The following TTC23 variants were observed in gnomAD, a reference collection of about 807,000 sequenced individuals.
TTC23 encodes the protein tetratricopeptide repeat protein 23.
In TTC23, 58 loss-of-function variants were observed where a neutral mutation model predicts 55.1. The observed-to-expected ratio is 1.05, with a 90% confidence interval of 0.85 to 1.31. The LOEUF is 1.31. Among genes scored for constraint, TTC23 ranks in the 50% most tolerant of loss-of-function variants. The pLI, the probability that TTC23 is intolerant of heterozygous loss-of-function variation, is 0.00. For missense variants in TTC23, 516 were observed against 534.4 expected (o/e 0.97, Z 0.34); for synonymous variants, 203 against 199.9 (o/e 1.02, Z -0.13).
intron 12 of TTC23, among the ~76,000 whole-genome samples, chr15:99,147,319 A>C (rs1350619928): frequency 7.0e-6 from 1 of 143,038 alleles, no homozygotes; most frequent in Non-Finnish European, 1.5e-5. Flanking sequence ...TCCGCCTCCC[A>C]GGTTCACGCC....
chr15:99,205,214 T>C (rs1032293304), intron 8 of TTC23, among the ~76,000 whole-genome samples: 2 of 152,330 alleles, frequency 1.3e-5, no homozygotes, highest in South Asian at 2.1e-4. Context: ...TGTAGTATAG[T>C]ATGAAGTCAG....
chr15:99,190,565 A>G (rs1192412679), intron 9 of TTC23, among the ~76,000 whole-genome samples: 1 of 152,202 alleles, frequency 6.6e-6, no homozygotes, highest in African/African-American at 2.4e-5. Context: ...CTGTATATAT[A>G]TGTGTGTATG....
chr15:99,216,376 A>G (rs1049700858), intron 8 of TTC23, among the ~76,000 whole-genome samples: 1 of 152,220 alleles, frequency 6.6e-6, no homozygotes, highest in African/African-American at 2.4e-5. Flanking sequence ...AGCATAAATC[A>G]TAAGGTGAAA....
chr15:99,214,916 C>T (rs1017626904), intron 8 of TTC23, among the ~76,000 whole-genome samples: 3 of 123,524 alleles, frequency 2.4e-5, no homozygotes, highest in Non-Finnish European at 3.2e-5. Context: ...AGTGCAATGG[C>T]GCGATCTTGG....
chr15:99,230,953 T>G (rs1372021685), intron 4 of TTC23, among the ~76,000 whole-genome samples: 1 of 152,206 alleles, frequency 6.6e-6, no homozygotes, highest in Non-Finnish European at 1.5e-5. Context: ...GCTGCTTCCA[T>G]ATTACAATCA....
intron 10 of TTC23, among the ~76,000 whole-genome samples, chr15:99,163,593 G>A (rs1307933690): frequency 6.6e-6 from 1 of 152,214 alleles, no homozygotes; most frequent in African/African-American, 2.4e-5. Context: ...AATACAGCCA[G>A]TGCTATAGTC....
chr15:99,171,429 GGTT>G (rs2072908480), intron 10 of TTC23, among the ~76,000 whole-genome samples: 1 of 152,018 alleles, frequency 6.6e-6, no homozygotes, highest in African/African-American at 2.4e-5. Flanking sequence ...TGCCTCCGAG[GGTT>G]GTTAAAAGGA....
chr15:99,150,055 A>G (rs1223520963), intron 12 of TTC23, among the ~76,000 whole-genome samples: 1 of 152,212 alleles, frequency 6.6e-6, no homozygotes, highest in African/African-American at 2.4e-5. Context: ...GAAGGAAAGC[A>G]GGTATTCCCA....
At chr15:99,190,630 A>G (rs1435068872) in intron 9 of TTC23, among the ~76,000 whole-genome samples, 4 of 152,176 alleles carry the variant, frequency 2.6e-5, no homozygotes, top group Non-Finnish European at 1.5e-5. Context: ...ATACGTTACA[A>G]TGGTGGTGAA....
intron 1 of TTC23, among the ~76,000 whole-genome samples, chr15:99,246,171 A>T (rs901626799): frequency 1.7e-4 from 25 of 150,802 alleles, no homozygotes; most frequent in Non-Finnish European, 1.6e-4. Flanking sequence ...AAAAAAAAAG[A>T]TAAATTAGAT....
intron 9 of TTC23, among the ~76,000 whole-genome samples, chr15:99,190,257 G>GTTT (rs71149449): frequency 7.1e-6 from 1 of 140,344 alleles, no homozygotes; most frequent in Non-Finnish European, 1.5e-5. Context: ...AAATATCCTT[G>GTTT]TTTTTTTTTT....
At chr15:99,143,046 A>G (rs7178187) in intron 12 of TTC23, among the ~76,000 whole-genome samples, 71,937 of 152,010 alleles carry the variant, frequency 0.47, 17,627 homozygotes, top group East Asian at 0.65. Context: ...TGAAGTGAAA[A>G]GAGATGCAAA....
intron 9 of TTC23, among the ~76,000 whole-genome samples, chr15:99,190,776 A>G (rs979809872): frequency 6.6e-6 from 1 of 151,856 alleles, no homozygotes; most frequent in Non-Finnish European, 1.5e-5. Context: ...TTAGACATTT[A>G]TATGTCTTTT....
At chr15:99,172,892 T>C (rs1463148622) in intron 10 of TTC23, among the ~76,000 whole-genome samples, 1 of 152,212 alleles carries the variant, frequency 6.6e-6, no homozygotes, top group Non-Finnish European at 1.5e-5. Flanking sequence ...TTTAAAAATA[T>C]ATAACTAAAA....
intron 8 of TTC23, among the ~76,000 whole-genome samples, chr15:99,211,414 C>A (rs1350722705): frequency 3.3e-5 from 5 of 151,734 alleles, no homozygotes; most frequent in Non-Finnish European, 7.4e-5. Context: ...TAAGTATATA[C>A]AATTGTCTGA....
chr15:99,165,205 G>C (rs1400178962), intron 10 of TTC23, among the ~76,000 whole-genome samples: 1 of 152,146 alleles, frequency 6.6e-6, no homozygotes, highest in Non-Finnish European at 1.5e-5. Context: ...ACATTGAGAG[G>C]ACAGAAATGG....
intron 9 of TTC23, among the ~76,000 whole-genome samples, chr15:99,199,458 TTG>T (rs149241257): frequency 4.2e-4 from 61 of 145,756 alleles, no homozygotes; most frequent in Admixed American, 5.5e-4. Flanking sequence ...GTGTGTGTGT[TTG>T]TGTGTGTGTG....
At chr15:99,180,829 T>C (rs539730811) in intron 9 of TTC23, among the ~76,000 whole-genome samples, 1 of 152,320 alleles carries the variant, frequency 6.6e-6, no homozygotes, top group African/African-American at 2.4e-5. Context: ...TTTGTGGACT[T>C]AGCCTGAATG....
chr15:99,240,395 AT>A (rs919385705), intron 3 of TTC23, among the ~76,000 whole-genome samples: 6 of 151,922 alleles, frequency 3.9e-5, no homozygotes, highest in East Asian at 1.9e-4. Flanking sequence ...GTATATATAT[AT>A]TTTTTTTCGC....
Sources: allele counts gnomAD v4.1 joint callset (sites outside exome capture counted in the v4.1 genomes callset), GRCh38; gene constraint gnomAD v4.1.1; transcripts MANE v1.5; gene names NCBI Gene and HGNC (gene_info 2026-07-23, HGNC 2026-07-21).